The following EXOC6B variants were observed in gnomAD, a reference collection of about 807,000 sequenced individuals.
EXOC6B encodes the protein exocyst complex component 6B, also known as SEC15 homolog B.
A neutral mutation model predicts 113.5 loss-of-function variants in EXOC6B; 54 were observed. That is an observed-to-expected ratio of 0.48 (90% CI 0.38 to 0.60). EXOC6B has a LOEUF of 0.60. EXOC6B is among the 20% of genes least tolerant of loss of function. The pLI is 0.00. For missense variants in EXOC6B, 797 were observed against 977.5 expected (o/e 0.82, Z 2.46); for synonymous variants, 357 against 339.0 (o/e 1.05, Z -0.58).
chr2:72,807,511 T>C (rs376259087), intron 1 of EXOC6B, among the ~76,000 whole-genome samples: 2 of 152,328 alleles, frequency 1.3e-5, no homozygotes, highest in East Asian at 1.9e-4. Flanking sequence ...CAGGCTCCTT[T>C]TTGGTTCCAT....
At chr2:72,391,603 T>C (rs1379744749) in intron 18 of EXOC6B, among the ~76,000 whole-genome samples, 1 of 152,234 alleles carries the variant, frequency 6.6e-6, no homozygotes, top group East Asian at 1.9e-4. Flanking sequence ...TTCTCAAGCA[T>C]TCTCAAGTAC....
intron 20 of EXOC6B, among the ~76,000 whole-genome samples, chr2:72,237,212 A>C (rs1484347687): frequency 6.6e-6 from 1 of 152,168 alleles, no homozygotes; most frequent in Non-Finnish European, 1.5e-5. Context: ...CAAAACATTA[A>C]ACTCCTGAAG....
chr2:72,223,803 G>C (rs542333213), intron 20 of EXOC6B, among the ~76,000 whole-genome samples: 2 of 152,282 alleles, frequency 1.3e-5, no homozygotes, highest in African/African-American at 4.8e-5. Flanking sequence ...TTTGGGTAGA[G>C]AGTAATTGTG....
At chr2:72,261,179 G>A (rs1290938741) in intron 20 of EXOC6B, among the ~76,000 whole-genome samples, 1 of 151,974 alleles carries the variant, frequency 6.6e-6, no homozygotes, top group African/African-American at 2.4e-5. Context: ...AAGATTCAAA[G>A]AAATACAAAA....
In EXOC6B at chr2:72,389,478, T is replaced by C. The variant is rs59822042; in HGVS notation, c.1981-9608A>G. ...AAACTTTTTTATCTTAACTACATAT[T>C]TTTCATTTCTGGTATTCTTTGCTCC... On this transcript the variant is annotated intron_variant, in intron 18 of 21. Transcript: ENST00000272427. Among the ~76,000 whole-genome samples the C allele has an allele frequency of 4.0e-3, 601 of 152,114 alleles. 4 individuals carry two copies. The highest frequency in any genetic ancestry group is 0.014 in the African/African-American group (575 of 41,548).
At position 72,661,152 on chromosome 2, in the gene EXOC6B, C is replaced by G. The variant is rs368057253; in HGVS notation, c.669+56951G>C. ...CCAAACCCAGTTATTTTTCCTTTCTCTCTGTCCTCCCAGAGTTTACCTTGG... is the reference window on the plus strand; with the variant it reads ...CCAAACCCAGTTATTTTTCCTTTCTGTCTGTCCTCCCAGAGTTTACCTTGG... On this transcript the variant is annotated intron_variant, in intron 6 of 21. Transcript: ENST00000272427. Among the ~76,000 whole-genome samples the G allele has an allele frequency of 1.4e-4, 22 of 152,160 alleles. 2 individuals carry two copies. Among genetic ancestry groups the G allele is most frequent in the African/African-American group, 4.3e-4 (18 of 41,518 alleles).
intron 6 of EXOC6B, among the ~76,000 whole-genome samples, chr2:72,716,992 G>A (rs1215413887): frequency 6.6e-6 from 1 of 152,116 alleles, no homozygotes; most frequent in Non-Finnish European, 1.5e-5. Context: ...TTCAAAATAC[G>A]TACCCAGCAA....
chr2:72,480,878 G>C, intron 16 of EXOC6B, 128 bp from the exon 17 acceptor site: 1 of 933,716 alleles, frequency 1.1e-6, no homozygotes, highest in Non-Finnish European at 1.6e-6. Flanking sequence ...TTCGGGCAAG[G>C]GGTATGTTAA....
intron 17 of EXOC6B, among the ~76,000 whole-genome samples, chr2:72,475,522 G>A (rs867486722): frequency 3.3e-5 from 5 of 152,116 alleles, no homozygotes; most frequent in African/African-American, 9.7e-5. Flanking sequence ...GTGGAGGACA[G>A]GGCTAGGTGA....
At chr2:72,650,948 C>G (rs985557245) in intron 6 of EXOC6B, among the ~76,000 whole-genome samples, 1 of 151,670 alleles carries the variant, frequency 6.6e-6, no homozygotes. Flanking sequence ...GATCACACCA[C>G]TGCACTCCAG....
chr2:72,715,963 A>G (rs1679587321), intron 6 of EXOC6B, among the ~76,000 whole-genome samples: 1 of 152,186 alleles, frequency 6.6e-6, no homozygotes, highest in South Asian at 2.1e-4. Flanking sequence ...GAATGAAAAG[A>G]TATTTGATGA....
chr2:72,483,500 G>A (rs1699228433), intron 16 of EXOC6B, among the ~76,000 whole-genome samples: 1 of 152,174 alleles, frequency 6.6e-6, no homozygotes, highest in African/African-American at 2.4e-5. Flanking sequence ...ACTGGGTACA[G>A]TAGTAATTTC....
chr2:72,794,031 G>A (rs1047068163), intron 1 of EXOC6B, among the ~76,000 whole-genome samples: 1 of 152,224 alleles, frequency 6.6e-6, no homozygotes, highest in Admixed American at 6.5e-5. Flanking sequence ...GGGCTCATGA[G>A]AGATAAATAC....
intron 1 of EXOC6B, among the ~76,000 whole-genome samples, chr2:72,813,125 T>C (rs1686015856): frequency 6.6e-6 from 1 of 152,220 alleles, no homozygotes; most frequent in African/African-American, 2.4e-5. Context: ...GATGCCACTC[T>C]GTCACCCAGC....
chr2:72,238,568 G>A (rs1682102990), intron 20 of EXOC6B, among the ~76,000 whole-genome samples: 1 of 152,062 alleles, frequency 6.6e-6, no homozygotes, highest in Non-Finnish European at 1.5e-5. Flanking sequence ...AATGCTTGTT[G>A]TTACTTGTCT....
chr2:72,488,092 C>A (rs1699532564), intron 16 of EXOC6B, among the ~76,000 whole-genome samples: 2 of 152,200 alleles, frequency 1.3e-5, no homozygotes, highest in African/African-American at 2.4e-5. Context: ...TTACCAAGGT[C>A]ACCAACTTAT....
intron 1 of EXOC6B, among the ~76,000 whole-genome samples, chr2:72,765,413 C>T (rs1039199801): frequency 1.3e-5 from 2 of 152,138 alleles, no homozygotes; most frequent in Non-Finnish European, 2.9e-5. Context: ...TGGCTCAGGC[C>T]TATAATCCCA....
At chr2:72,751,341 T>C (rs969545013) in intron 1 of EXOC6B, among the ~76,000 whole-genome samples, 3 of 152,146 alleles carry the variant, frequency 2.0e-5, no homozygotes, top group African/African-American at 7.2e-5. Flanking sequence ...AGATTTAAAA[T>C]TTTTCTGATT....
intron 6 of EXOC6B, among the ~76,000 whole-genome samples, chr2:72,697,084 T>C (rs1352842207): frequency 6.8e-6 from 1 of 148,098 alleles, no homozygotes; most frequent in Non-Finnish European, 1.5e-5. Context: ...GAGTAGTACA[T>C]GTGTGTATGA....
Sources: allele counts gnomAD v4.1 joint callset (sites outside exome capture counted in the v4.1 genomes callset), GRCh38; gene constraint gnomAD v4.1.1; transcripts MANE v1.5; gene names NCBI Gene and HGNC (gene_info 2026-07-23, HGNC 2026-07-21).